The following PDLIM5 variants were observed in gnomAD, a reference collection of about 807,000 sequenced individuals.
PDLIM5 encodes PDZ and LIM domain 5.
Under a neutral mutation model 64.2 loss-of-function variants are expected in PDLIM5, and 34 were observed. That is an observed-to-expected ratio of 0.53 (90% CI 0.40 to 0.71). PDLIM5 has a LOEUF of 0.71. PDLIM5 is among the 30% of genes least tolerant of loss of function. PDLIM5 has a pLI of 0.00. For synonymous variants in PDLIM5, 253 were observed against 269.1 expected (o/e 0.94, Z 0.59); for missense variants, 683 against 733.6 (o/e 0.93, Z 0.80).
rs560187158 is a variant in PDLIM5 at position 94,639,721 on chromosome 4, G to A, written c.1109-555G>A. ...TATTTGGAATTAAATCTAATTAATG[G>A]TTAGCAGAGATGTCTAGAGAATTAG... On this transcript the variant is annotated intron_variant, in intron 8 of 12. Coordinates refer to ENST00000317968, the MANE Select transcript of PDLIM5 (RefSeq NM_006457.5). Among the ~76,000 whole-genome samples, 7 of 152,220 alleles carry A rather than the reference G, an allele frequency of 4.6e-5. No individual in the cohort carries two copies. The South Asian group carries it at 1.2e-3, about 27-fold the overall frequency.
intron 2 of PDLIM5, among the ~76,000 whole-genome samples, chr4:94,501,787 A>G (rs1017895623): frequency 2.0e-5 from 3 of 152,176 alleles, no homozygotes; most frequent in South Asian, 2.1e-4. Context: ...TCTCAGAGAT[A>G]GACTTCCATC....
intron 8 of PDLIM5, among the ~76,000 whole-genome samples, chr4:94,629,177 G>A (rs902159736): frequency 3.4e-4 from 51 of 151,894 alleles, no homozygotes; most frequent in African/African-American, 1.1e-3. Flanking sequence ...GGTGAAACCC[G>A]ATCTCTATTA....
intron 3 of PDLIM5, among the ~76,000 whole-genome samples, chr4:94,534,639 G>C (rs1251784190): frequency 6.6e-6 from 1 of 152,208 alleles, no homozygotes; most frequent in Non-Finnish European, 1.5e-5. Flanking sequence ...GAGGTTAAAT[G>C]AAATAGCATA....
intron 2 of PDLIM5, among the ~76,000 whole-genome samples, chr4:94,516,120 G>A (rs996037474): frequency 6.6e-6 from 1 of 152,146 alleles, no homozygotes; most frequent in African/African-American, 2.4e-5. Context: ...TACTAAATAA[G>A]GGCTCATCAT....
intron 8 of PDLIM5, among the ~76,000 whole-genome samples, chr4:94,626,215 A>G (rs891675843): frequency 1.3e-5 from 2 of 152,238 alleles, no homozygotes; most frequent in Admixed American, 1.3e-4. Context: ...TGGGCGGCCT[A>G]AAAGGAACAA....
chr4:94,524,577 A>G (rs181815062), intron 3 of PDLIM5, among the ~76,000 whole-genome samples: 134 of 151,686 alleles, frequency 8.8e-4, no homozygotes, highest in African/African-American at 3.2e-3. Context: ...AAAATTTTTA[A>G]TAGAGTCATT....
In PDLIM5 at chr4:94,667,222, ATC is replaced by A. The variant is rs1215961442; in HGVS notation, c.*3157_*3158del. Reference sequence around the variant, plus strand: ...TTTTAGCGGTAAGTTCAGATTTATAATCTTTCTCTAGACTTCCATGGTCTGAA... The same window carrying A: ...TTTTAGCGGTAAGTTCAGATTTATAATTTCTCTAGACTTCCATGGTCTGAA... On this transcript the variant is annotated 3_prime_UTR_variant, in exon 13 of 13. Coordinates refer to ENST00000317968, the MANE Select transcript of PDLIM5 (RefSeq NM_006457.5). 6.6e-6 allele frequency: 1 copy of A among 152,138 alleles called. No individual in the cohort carries two copies. The highest frequency in any genetic ancestry group is 6.5e-5 in the Admixed American group (1 of 15,274). 9.4% of individuals were successfully genotyped at this position (152,138 alleles called of 1,614,324 possible). A position where few individuals can be genotyped will look rare whatever the true frequency, so the allele number is the denominator to read the frequency against.
At chr4:94,461,285 A>G (rs1723856733) in intron 2 of PDLIM5, among the ~76,000 whole-genome samples, 1 of 152,240 alleles carries the variant, frequency 6.6e-6, no homozygotes, top group Non-Finnish European at 1.5e-5. Context: ...AAATTTGACA[A>G]AACTAGATAT....
chr4:94,565,429 C>T (rs1009024335), intron 3 of PDLIM5, among the ~76,000 whole-genome samples: 1 of 152,188 alleles, frequency 6.6e-6, no homozygotes, highest in African/African-American at 2.4e-5. Context: ...CCCCCTGTAT[C>T]ATGGGGCACA....
chr4:94,589,870 G>A (rs571301878), intron 7 of PDLIM5, among the ~76,000 whole-genome samples: 2 of 152,010 alleles, frequency 1.3e-5, no homozygotes, highest in South Asian at 4.2e-4. Flanking sequence ...CACCTCCCAG[G>A]TTTGAGTGAT....
chr4:94,486,285 A>G (rs1483411099), intron 2 of PDLIM5, among the ~76,000 whole-genome samples: 3 of 152,312 alleles, frequency 2.0e-5, no homozygotes, highest in Non-Finnish European at 2.9e-5. Flanking sequence ...GCAAGGTTTT[A>G]TATGTAGCCT....
At chr4:94,577,027 GAA>G (rs1438832466) in intron 5 of PDLIM5, among the ~76,000 whole-genome samples, 3 of 151,840 alleles carry the variant, frequency 2.0e-5, no homozygotes, top group African/African-American at 7.3e-5. Flanking sequence ...TACTTGCAAA[GAA>G]AAAAGTAAAG....
chr4:94,506,880 G>GAACA (rs1201208602), intron 2 of PDLIM5, among the ~76,000 whole-genome samples: 6 of 152,174 alleles, frequency 3.9e-5, no homozygotes, highest in Non-Finnish European at 7.3e-5. Context: ...AGCACCGCTA[G>GAACA]AACAAAGCAG....
chr4:94,486,169 ATT>A (rs1393778559), intron 2 of PDLIM5, among the ~76,000 whole-genome samples: 1 of 152,116 alleles, frequency 6.6e-6, no homozygotes, highest in Non-Finnish European at 1.5e-5. Context: ...TAGTATTAGC[ATT>A]TCTTTCCTCA....
At chr4:94,616,427 T>G (rs535273269) in intron 7 of PDLIM5, among the ~76,000 whole-genome samples, 1 of 152,226 alleles carries the variant, frequency 6.6e-6, no homozygotes, top group Non-Finnish European at 1.5e-5. Flanking sequence ...AGAAATCTTA[T>G]GAGCAAAATG....
chr4:94,565,721 A>G (rs1734261292), intron 3 of PDLIM5, among the ~76,000 whole-genome samples: 1 of 152,186 alleles, frequency 6.6e-6, no homozygotes. Context: ...TAGGGAAAAA[A>G]TACTCCTCTT....
chr4:94,459,441 T>C (rs1181111448), intron 2 of PDLIM5, among the ~76,000 whole-genome samples: 2 of 152,214 alleles, frequency 1.3e-5, no homozygotes, highest in African/African-American at 4.8e-5. Flanking sequence ...CTAATTGGAT[T>C]TGAAAAGCAG....
At chr4:94,553,724 C>T (rs1282694477) in intron 3 of PDLIM5, among the ~76,000 whole-genome samples, 1 of 152,080 alleles carries the variant, frequency 6.6e-6, no homozygotes, top group East Asian at 1.9e-4. Flanking sequence ...TGCAGCTCAT[C>T]CCTCCTTGCC....
rs1024317162 is a variant in PDLIM5 at position 94,504,370 on chromosome 4, C to T, written c.97-19354C>T. 2.6e-5 allele frequency among the ~76,000 whole-genome samples: 4 copies of T among 152,046 alleles called. No homozygotes were observed. In the East Asian group the frequency reaches 7.8e-4, roughly 30 times the overall value. On this transcript the variant is annotated intron_variant, in intron 2 of 12. Transcript: ENST00000317968. ...TGGCACTATCTCGGCTCATTGCAACCTCCGCTCCCGGGTTCAAGCAATTCT... is the reference window on the plus strand; with the variant it reads ...TGGCACTATCTCGGCTCATTGCAACTTCCGCTCCCGGGTTCAAGCAATTCT...
Sources: gnomAD v4.1 joint callset for allele counts (sites outside exome capture counted in the v4.1 genomes callset) on GRCh38, gnomAD v4.1.1 for gene constraint, MANE v1.5 for transcripts, NCBI Gene and HGNC (gene_info 2026-07-23, HGNC 2026-07-21) for gene names.